The following ANK2 variants were observed in gnomAD, a reference collection of about 807,000 sequenced individuals.
The protein encoded by ANK2 is ankyrin-2.
In ANK2, 83 loss-of-function variants were observed where a neutral mutation model predicts 360.5. The ratio of observed to expected loss-of-function variants is 0.23; its 90% confidence interval spans 0.19 to 0.28. The LOEUF (loss-of-function observed/expected upper bound fraction) is 0.28, where lower values mean the gene tolerates loss of function less well. Ranked by LOEUF, ANK2 falls within the 10% of genes least tolerant of loss-of-function variation. The probability of loss-of-function intolerance (pLI) is 1.00; values close to 1 mark genes in which losing one functional copy is unlikely to be tolerated. For synonymous variants in ANK2, 1,740 were observed against 1,759.5 expected, an observed-to-expected ratio of 0.99 and a Z score of 0.28; for missense variants, 4,201 against 4,795.7, an observed-to-expected ratio of 0.88 and a Z score of 3.66.
At chr4:112,955,048 A>G (rs537832085) in intron 2 of ANK2, among the ~76,000 whole-genome samples, 1 of 152,282 alleles carries the variant, frequency 6.6e-6, no homozygotes, top group African/African-American at 2.4e-5. Context: ...TATGTTAACA[A>G]GAGGCAATAA....
At chr4:112,836,348 C>G (rs1201973854) in intron 1 of ANK2, among the ~76,000 whole-genome samples, 1 of 152,088 alleles carries the variant, frequency 6.6e-6, no homozygotes, top group Non-Finnish European at 1.5e-5. Context: ...TATAAATTAC[C>G]CAGTCTCAGG....
At chr4:112,930,008 A>G (rs929796245) in intron 2 of ANK2, among the ~76,000 whole-genome samples, 2 of 152,182 alleles carry the variant, frequency 1.3e-5, no homozygotes, top group African/African-American at 4.8e-5. Flanking sequence ...GTCACTTGTG[A>G]AATAATGAAC....
At chr4:113,176,040 A>C (rs2098185111) in intron 2 of ANK2, among the ~76,000 whole-genome samples, 1 of 152,230 alleles carries the variant, frequency 6.6e-6, no homozygotes, top group African/African-American at 2.4e-5. Flanking sequence ...TTGAGGGATT[A>C]GGCGATATCT....
intron 2 of ANK2, among the ~76,000 whole-genome samples, chr4:112,994,834 T>A (rs902853538): frequency 8.5e-5 from 13 of 152,216 alleles, no homozygotes; most frequent in Non-Finnish European, 1.5e-4. Flanking sequence ...TAGCTCCCAC[T>A]TATAAGTGAG....
chr4:113,357,974 T>A lies in ANK2; in HGVS notation c.9356T>A (p.Met3119Lys), dbSNP rs1209553773. The A allele has an allele frequency of 6.2e-7, 1 of 1,614,068 alleles. No individual in the cohort carries two copies. Among genetic ancestry groups the A allele is most frequent in the East Asian group, 2.2e-5 (1 of 44,858 alleles). ...FEMTRSGAIDMTKRSYADESF... is the reference protein window; with the variant it reads ...FEMTRSGAIDKTKRSYADESF... ...ATGACCCGAAGTGGTGCCATTGATA[T>A]GACCAAAAGGTCCTATGCAGATGAA... The change falls in exon 38 of 46, where the codon ATG (methionine) becomes AAG (lysine). Residue 3119 changes from methionine to lysine, a missense_variant. Coordinates refer to ENST00000357077, the MANE Select transcript of ANK2 (RefSeq NM_001148.6).
intron 1 of ANK2, among the ~76,000 whole-genome samples, chr4:113,147,325 T>G (rs763781673): frequency 6.6e-6 from 1 of 152,210 alleles, no homozygotes; most frequent in Non-Finnish European, 1.5e-5. Flanking sequence ...CGCTCTGGAC[T>G]TCTCAGAGCA....
intron 1 of ANK2, among the ~76,000 whole-genome samples, chr4:112,843,909 G>T (rs980851417): frequency 3.3e-5 from 5 of 151,870 alleles, no homozygotes; most frequent in Non-Finnish European, 5.9e-5. Context: ...AGGTTTTTTT[G>T]GACTTTAAAG....
intron 2 of ANK2, among the ~76,000 whole-genome samples, chr4:113,010,095 C>A (rs1347858064): frequency 6.6e-6 from 1 of 152,024 alleles, no homozygotes; most frequent in Non-Finnish European, 1.5e-5. Flanking sequence ...TTACCTTTTG[C>A]TTTTATTTTG....
Position 113,354,267 on chromosome 4 carries a change from C to T in ANK2, c.5649C>T (p.Pro1883=). 2 of 1,614,132 alleles carry T rather than the reference C, an allele frequency of 1.2e-6. No homozygotes were observed. Among genetic ancestry groups the T allele is most frequent in the Non-Finnish European group, 1.7e-6 (2 of 1,179,998 alleles). The change falls in exon 38 of 46, where the codon CCC becomes CCT. Residue 1883 remains proline (P), a synonymous_variant. Coordinates refer to ENST00000357077, the MANE Select transcript of ANK2 (RefSeq NM_001148.6). ...SKTEKHSPVS[P]STKTERHSPV... ...CTGAGAAACACTCACCTGTATCACC[C>T]TCGACAAAAACTGAAAGGCACTCTC...
rs191194956 is a variant in ANK2 at position 113,292,944 on chromosome 4, C to T, written c.2376+430C>T. The T allele has an allele frequency of 2.8e-5, 10 of 352,316 alleles. No homozygotes were observed. The East Asian group carries it at 7.3e-4, about 26-fold the overall frequency. The allele number at this position is 352,316 out of a possible 1,614,324, so 21.8% of individuals were successfully genotyped here. On this transcript the variant is annotated intron_variant, in intron 21 of 45. Transcript: ENST00000357077. ...TTAAACGAACTGGGATCCCGAGTGG[C>T]CTGGGTTGGATGCAGCCCGAATTGC...
intron 2 of ANK2, among the ~76,000 whole-genome samples, chr4:112,943,826 G>T (rs1211113446): frequency 6.6e-6 from 1 of 152,042 alleles, no homozygotes; most frequent in Admixed American, 6.5e-5. Flanking sequence ...AGTGGGAAGA[G>T]ATTACTTTGA....
chr4:112,986,443 G>A (rs998742114), intron 2 of ANK2, among the ~76,000 whole-genome samples: 2 of 151,920 alleles, frequency 1.3e-5, no homozygotes, highest in African/African-American at 4.8e-5. Context: ...CCAGCAGAGG[G>A]TTTTTGTTTG....
At chr4:113,048,494 C>T (rs1322624309), upstream of ANK2, among the ~76,000 whole-genome samples, 1 of 143,676 alleles carries the variant, frequency 7.0e-6, no homozygotes, top group African/African-American at 2.6e-5. Flanking sequence ...AGGCTGTTGT[C>T]GAGCTCCTCA....
chr4:112,875,330 T>C (rs529836183), intron 1 of ANK2, among the ~76,000 whole-genome samples: 2 of 152,248 alleles, frequency 1.3e-5, no homozygotes, highest in South Asian at 4.1e-4. Flanking sequence ...ATTATGTTTT[T>C]TGGGACAGGG....
chr4:113,319,864 G>C (rs1168631595), intron 26 of ANK2, among the ~76,000 whole-genome samples: 1 of 152,098 alleles, frequency 6.6e-6, no homozygotes, highest in Non-Finnish European at 1.5e-5. Flanking sequence ...GTGGTAAGAA[G>C]GAAAAAGACC....
At chr4:113,047,849 G>A (rs960723513), upstream of ANK2, among the ~76,000 whole-genome samples, 5 of 151,950 alleles carry the variant, frequency 3.3e-5, no homozygotes, top group African/African-American at 1.2e-4. Flanking sequence ...GACGTGGAGG[G>A]GCCTTAGGGT....
At chr4:113,029,700 A>G (rs2059999932) in intron 2 of ANK2, among the ~76,000 whole-genome samples, 1 of 151,954 alleles carries the variant, frequency 6.6e-6, no homozygotes, top group African/African-American at 2.4e-5. Context: ...AGAGAGCCCG[A>G]CCTATTCGTC....
intron 1 of ANK2, among the ~76,000 whole-genome samples, chr4:113,106,105 C>T (rs574870823): frequency 4.5e-4 from 69 of 152,182 alleles, no homozygotes; most frequent in African/African-American, 1.6e-3. Context: ...TATGGCTTGA[C>T]GGAAAGGACA....
At chr4:112,831,495 A>C (rs2059717767) in intron 1 of ANK2, among the ~76,000 whole-genome samples, 1 of 152,084 alleles carries the variant, frequency 6.6e-6, no homozygotes, top group Admixed American at 6.6e-5. Context: ...ACCAATCAGC[A>C]CCCTGTGTCT....
Sources: gnomAD v4.1 joint callset for allele counts (sites outside exome capture counted in the v4.1 genomes callset) on GRCh38, gnomAD v4.1.1 for gene constraint, MANE v1.5 for transcripts, NCBI Gene and HGNC (gene_info 2026-07-23, HGNC 2026-07-21) for gene names.